Variants in RANBP2 observed in about 807,000 individuals in gnomAD.
The protein encoded by RANBP2 is RAN binding protein 2.
Under a neutral mutation model 303.6 loss-of-function variants are expected in RANBP2, and 57 were observed. The ratio of observed to expected loss-of-function variants is 0.19; its 90% CI spans 0.15 to 0.23. RANBP2 has a LOEUF of 0.23. Ranked by LOEUF, RANBP2 falls within the 10% of genes least tolerant of loss-of-function variation. RANBP2 has a pLI of 1.00. For missense variants in RANBP2, 3,138 were observed against 3,780.8 expected (o/e 0.83, Z 4.46); for synonymous variants, 1,167 against 1,301.5 (o/e 0.90, Z 2.23).
chr2:108,946,281 C>T, the RANBP2 span, among the ~76,000 whole-genome samples: 1 of 152,194 alleles, frequency 6.6e-6, no homozygotes, highest in African/African-American at 2.4e-5. Context: ...ATGTCAGTAC[C>T]TACGGGTGAC....
chr2:108,772,763 C>G, intron 22 of RANBP2, 105 bp from the exon 23 acceptor site: 17 of 1,294,434 alleles, frequency 1.3e-5, no homozygotes, highest in Non-Finnish European at 1.6e-5. Flanking sequence ...TTAGTATGTA[C>G]AGGTCTTGTT....
intron 3 of RANBP2, 35 bp from the exon 4 acceptor site, chr2:108,731,287 T>C (rs1256635449): frequency 6.2e-7 from 1 of 1,604,926 alleles, no homozygotes; most frequent in East Asian, 2.2e-5. Context: ...ACATACAATT[T>C]ATTTACTAAT....
chr2:109,490,774 C>T, the RANBP2 span: 4 of 1,536,668 alleles, frequency 2.6e-6, no homozygotes, highest in South Asian at 3.6e-5. Flanking sequence ...CACGGCAGGG[C>T]AGGGTCCTGC....
At chr2:109,299,828 C>A in the RANBP2 span, among the ~76,000 whole-genome samples, 2 of 152,108 alleles carry the variant, frequency 1.3e-5, no homozygotes, top group African/African-American at 4.8e-5. Flanking sequence ...AAAATGCTTA[C>A]AAAACCCAGC....
At chr2:108,796,715 A>G in the RANBP2 span, among the ~76,000 whole-genome samples, 1 of 152,212 alleles carries the variant, frequency 6.6e-6, no homozygotes, top group South Asian at 2.1e-4. Flanking sequence ...GAAATAAGCC[A>G]GGCACAGAAG....
chr2:109,615,983 G>T, the RANBP2 span: 2,814 of 1,555,684 alleles, frequency 1.8e-3, 5 homozygotes, highest in Non-Finnish European at 2.3e-3. Context: ...TGGAGGGCAG[G>T]GGGGAGGAGG....
chr2:108,820,184 G>A, the RANBP2 span, among the ~76,000 whole-genome samples: 1 of 152,180 alleles, frequency 6.6e-6, no homozygotes, highest in African/African-American at 2.4e-5. Flanking sequence ...AAGGCAGGAG[G>A]GTCACTTGAA....
chr2:109,079,883 G>C, the RANBP2 span, among the ~76,000 whole-genome samples: 1 of 152,226 alleles, frequency 6.6e-6, no homozygotes, highest in South Asian at 2.1e-4. Flanking sequence ...AGGCCACCCT[G>C]TCCCTAGACT....
the RANBP2 span, among the ~76,000 whole-genome samples, chr2:109,087,182 T>C: frequency 6.6e-6 from 1 of 152,138 alleles, no homozygotes; most frequent in Non-Finnish European, 1.5e-5. Context: ...GTCAGGGCCA[T>C]GGGAGCTGGA....
chr2:109,030,745 TTTG>T, the RANBP2 span, among the ~76,000 whole-genome samples: 121 of 152,180 alleles, frequency 8.0e-4, no homozygotes, highest in Non-Finnish European at 1.3e-3. Context: ...CTTGACAGTT[TTTG>T]TTGTTGTTGT....
the RANBP2 span, chr2:108,876,143 CAAAG>C: frequency 6.2e-7 from 1 of 1,609,538 alleles, no homozygotes; most frequent in Non-Finnish European, 8.5e-7. Flanking sequence ...TCAAGAAATA[CAAAG>C]GACAACAAAC....
At chr2:108,844,040 T>A in the RANBP2 span, among the ~76,000 whole-genome samples, 1 of 151,662 alleles carries the variant, frequency 6.6e-6, no homozygotes, top group Non-Finnish European at 1.5e-5. Flanking sequence ...TTTTTTTTGT[T>A]TTGTAGAGAT....
the RANBP2 span, among the ~76,000 whole-genome samples, chr2:109,005,814 T>C: frequency 6.6e-6 from 1 of 152,250 alleles, no homozygotes; most frequent in Non-Finnish European, 1.5e-5. Context: ...TGTATTTTCC[T>C]GGAAATCAGC....
At chr2:109,594,732 C>A in the RANBP2 span, 5 of 152,252 alleles carry the variant, frequency 3.3e-5, no homozygotes, top group Non-Finnish European at 7.3e-5. Flanking sequence ...CGCATGCACA[C>A]ACGCACATGC....
At chr2:109,059,567 C>A in the RANBP2 span, among the ~76,000 whole-genome samples, 1 of 151,012 alleles carries the variant, frequency 6.6e-6, no homozygotes, top group Non-Finnish European at 1.5e-5. Flanking sequence ...CAGAGCAAGG[C>A]TCCGTCTCAA....
chr2:109,179,003 A>ATATGTGTGTGTGTGTG, the RANBP2 span, among the ~76,000 whole-genome samples: 1 of 142,178 alleles, frequency 7.0e-6, no homozygotes, highest in South Asian at 2.3e-4. Flanking sequence ...AAGTATAATA[A>ATATGTGTGTGTGTGTG]TGTGTGTGTG....
chr2:108,757,761 G>T (rs1558911510), intron 17 of RANBP2, among the ~76,000 whole-genome samples: 7 of 152,256 alleles, frequency 4.6e-5, no homozygotes, highest in South Asian at 2.1e-4. Flanking sequence ...GTAGATACTT[G>T]TTTTTTTGAG....
chr2:108,811,309 C>T, the RANBP2 span, among the ~76,000 whole-genome samples: 3 of 133,234 alleles, frequency 2.3e-5, no homozygotes, highest in East Asian at 2.6e-4. Flanking sequence ...GGCATGACCA[C>T]GGCTTACTAC....
chr2:109,083,351 T>C, the RANBP2 span, among the ~76,000 whole-genome samples: 1 of 152,160 alleles, frequency 6.6e-6, no homozygotes, highest in Non-Finnish European at 1.5e-5. Flanking sequence ...CTCTGTGAAC[T>C]TGTCTTCCCT....
Sources: gnomAD v4.1 joint callset for allele counts (sites outside exome capture counted in the v4.1 genomes callset) on GRCh38, gnomAD v4.1.1 for gene constraint, MANE v1.5 for transcripts, NCBI Gene and HGNC (gene_info 2026-07-23, HGNC 2026-07-21) for gene names.